ADGRE5: variants seen among roughly 807,000 people sequenced by gnomAD.
ADGRE5 encodes the protein adhesion G protein-coupled receptor E5, also known as CD97 molecule.
A neutral mutation model predicts 100.3 loss-of-function variants in ADGRE5; 72 were observed. That is an observed-to-expected ratio of 0.72 (90% confidence interval 0.59 to 0.87). The LOEUF (loss-of-function observed/expected upper bound fraction) is 0.87, where lower values mean the gene tolerates loss of function less well. ADGRE5 is among the 40% of genes least tolerant of loss of function. The pLI is 0.00. For missense variants in ADGRE5, 959 were observed against 1,094.7 expected (o/e 0.88, Z 1.75); for synonymous variants, 439 against 447.8 (o/e 0.98, Z 0.25).
chr19:14,385,261 C>G (rs973563216), intron 1 of ADGRE5, among the ~76,000 whole-genome samples: 6 of 152,038 alleles, frequency 3.9e-5, no homozygotes, highest in Admixed American at 3.9e-4. Flanking sequence ...ATCCATCTGC[C>G]TCGGCCTCCC....
chr19:14,391,066 G>A lies in ADGRE5; in HGVS notation c.333G>A (p.Glu111=). ...CAAAAACATTCAAGAATGAGAGCGAGAACACCTGTCAAGGTAAGAACCACC... is the reference window on the plus strand; with the variant it reads ...CAAAAACATTCAAGAATGAGAGCGAAAACACCTGTCAAGGTAAGAACCACC... The part of the protein sequence containing the change: ...SGAKTFKNES[E]NTCQDVDECQ... The change falls in exon 4 of 20, where the codon GAG becomes GAA. Residue 111 remains glutamate (E), a synonymous_variant. Coordinates refer to ENST00000242786, the MANE Select transcript of ADGRE5 (RefSeq NM_078481.4). The A allele has an allele frequency of 6.2e-7, 1 of 1,614,208 alleles. No homozygotes were observed. The highest frequency in any genetic ancestry group is 1.3e-5 in the African/African-American group (1 of 75,054).
chr19:14,397,683 G>A lies in ADGRE5; in HGVS notation c.651G>A (p.Gln217=), dbSNP rs775216058. The change falls in exon 7 of 20, where the codon CAG becomes CAA. Residue 217 remains glutamine (Q), a synonymous_variant. Transcript: ENST00000242786. ...ATGTGGACGAGTGCAGCTCCGGGCA[G>A]CATCAGTGTGACAGCTCCACCGTCT... ...CEDVDECSSG[Q]HQCDSSTVCF... 86 of 1,558,394 alleles carry A rather than the reference G, an allele frequency of 5.5e-5. No homozygotes were observed. The South Asian group carries it at 9.5e-4, about 17-fold the overall frequency.
intron 1 of ADGRE5, among the ~76,000 whole-genome samples, chr19:14,382,877 C>T (rs1599605967): frequency 6.6e-6 from 1 of 151,826 alleles, no homozygotes; most frequent in Non-Finnish European, 1.5e-5. Context: ...CCACCATGCC[C>T]GGCTAGTTTT....
At chr19:14,389,183 G>A (rs1975472351) in intron 3 of ADGRE5, among the ~76,000 whole-genome samples, 2 of 91,190 alleles carry the variant, frequency 2.2e-5, no homozygotes, top group Admixed American at 1.1e-4. Flanking sequence ...GAGGGGGAGA[G>A]GAAGGGGAAG....
At chr19:14,387,450 C>T (rs567136193) in intron 1 of ADGRE5, among the ~76,000 whole-genome samples, 5 of 152,228 alleles carry the variant, frequency 3.3e-5, no homozygotes, top group African/African-American at 7.2e-5. Context: ...ATTTTTAGGC[C>T]GGCCACAGTG....
chr19:14,384,495 G>T (rs58233784), intron 1 of ADGRE5, among the ~76,000 whole-genome samples: 10,457 of 151,974 alleles, frequency 0.069, 1,187 homozygotes, highest in African/African-American at 0.24. Context: ...CCATCCCTCT[G>T]CCCGACACCC....
At chr19:14,399,724 A>G (rs897225366) in intron 9 of ADGRE5, among the ~76,000 whole-genome samples, 4 of 150,908 alleles carry the variant, frequency 2.7e-5, no homozygotes, top group African/African-American at 9.9e-5. Flanking sequence ...CCAGGGCAAC[A>G]AGAGTAAGAT....
Position 14,406,827 on chromosome 19 carries a change from C to T in ADGRE5, c.2116-42C>T, listed in dbSNP as rs750535173. ...GCCACAGGCCCAGGCCCGGCTGGAC[C>T]ATCGCTCTCGCCCTCTAACCCACAA... On this transcript the variant is annotated intron_variant, in intron 16 of 19. Coordinates refer to ENST00000242786, the MANE Select transcript of ADGRE5 (RefSeq NM_078481.4). The surrounding 1 kb of genome is among the most constrained non-coding windows in gnomAD (Gnocchi z 6.0). 6.2e-7 allele frequency: 1 copy of T among 1,611,256 alleles called. No homozygotes were observed. The highest frequency in any genetic ancestry group is 1.1e-5 in the South Asian group (1 of 91,036).
At chr19:14,392,087 G>C (rs1052901721) in intron 4 of ADGRE5, among the ~76,000 whole-genome samples, 3 of 132,682 alleles carry the variant, frequency 2.3e-5, no homozygotes, top group African/African-American at 8.6e-5. Flanking sequence ...CTGGGTGACA[G>C]AGTGAGACTC....
chr19:14,407,666 T>C (rs1976326514), intron 18 of ADGRE5, among the ~76,000 whole-genome samples: 1 of 146,170 alleles, frequency 6.8e-6, no homozygotes, highest in Non-Finnish European at 1.5e-5. Context: ...CCGGGTGTGC[T>C]GAATACCCAT....
intron 1 of ADGRE5, among the ~76,000 whole-genome samples, chr19:14,384,492 T>C (rs1334763268): frequency 1.3e-5 from 2 of 152,130 alleles, no homozygotes; most frequent in Non-Finnish European, 2.9e-5. Context: ...TCCCCATCCC[T>C]CTGCCCGACA....
chr19:14,392,411 A>C (rs1004572280), intron 4 of ADGRE5, among the ~76,000 whole-genome samples: 19 of 151,752 alleles, frequency 1.3e-4, no homozygotes, highest in Non-Finnish European at 2.5e-4. Flanking sequence ...AGTGATTCTC[A>C]TGCCTCAGCC....
chr19:14,408,063 G>C (rs1224078341), intron 19 of ADGRE5, 29 bp from the exon 20 acceptor site: 11 of 1,614,114 alleles, frequency 6.8e-6, no homozygotes, highest in Non-Finnish European at 8.5e-6. Context: ...GGGCTAGCGG[G>C]GCTCAGGCCT....
At chr19:14,405,657 C>A in intron 13 of ADGRE5, 91 bp from the exon 14 acceptor site, 1 of 901,142 alleles carries the variant, frequency 1.1e-6, no homozygotes, top group Non-Finnish European at 1.7e-6. Context: ...AGAGGTGGGC[C>A]CGTCAAAGTG....
chr19:14,401,744 T>G lies in ADGRE5; in HGVS notation c.1167T>G (p.Ala389=). Residue 389 remains alanine, a synonymous_variant, in exon 11 of 20, where the codon GCT becomes GCG. Coordinates refer to ENST00000242786, the MANE Select transcript of ADGRE5 (RefSeq NM_078481.4). The surrounding 1 kb of genome is among the most constrained non-coding windows in gnomAD (Gnocchi z 4.1). ...ARMKLNWAVA[A]GAEDPGPAVA... is the part of the protein sequence containing the mutation. ...TGAAGCTGAATTGGGCTGTGGCAGC[T>G]GGAGCCGAGGATCCAGGTAGCAGCG... is the stretch of plus-strand genomic sequence containing the variant. 1 of 1,556,812 alleles carries G rather than the reference T, an allele frequency of 6.4e-7. No homozygotes were observed. The highest frequency in any genetic ancestry group is 8.7e-7 in the Non-Finnish European group (1 of 1,153,142).
chr19:14,401,576 C>T lies in ADGRE5; in HGVS notation c.1075+13C>T. 6.2e-7 allele frequency: 1 copy of T among 1,612,666 alleles called. No individual in the cohort carries two copies. Among genetic ancestry groups the T allele is most frequent in the South Asian group, 1.1e-5 (1 of 90,944 alleles). On this transcript the variant is annotated intron_variant, in intron 10 of 19. Transcript: ENST00000242786. This position sits in a 1 kb window ranked among gnomAD's most constrained non-coding sequence, Gnocchi z 4.1. ...CCTTCGAACACAGGTGAGGCCTTGG[C>T]CTGGCCTGCCCTGCCCCAACCCTGG...
rs143754653 is a variant in ADGRE5, at chr19:14,402,710, A to T, written c.1297A>T (p.Ser433Cys). ...QAELEEIYESSIRGVQLRRLS... is the reference protein window; with the variant it reads ...QAELEEIYESCIRGVQLRRLS... The stretch of plus-strand genomic sequence containing the variant: ...CGAACTGGAGGAGATATATGAAAGC[A>T]GCATCCGTGGTGTCCAACTCAGACG... Residue 433 changes from serine to cysteine, a missense_variant, in exon 12 of 20, where the codon AGC becomes TGC. Ser to Cys is a moderately radical substitution (Grantham distance 112). Transcript: ENST00000242786. 1 of 1,614,192 alleles carries T rather than the reference A, an allele frequency of 6.2e-7. No individual in the cohort carries two copies. Among genetic ancestry groups the T allele is most frequent in the Non-Finnish European group, 8.5e-7 (1 of 1,180,036 alleles).
At chr19:14,384,225 CAG>C (rs200469607) in intron 1 of ADGRE5, among the ~76,000 whole-genome samples, 4,710 of 152,116 alleles carry the variant, frequency 0.031, 246 homozygotes, top group African/African-American at 0.11. Flanking sequence ...TGGTTTAACC[CAG>C]CTGGAAGGAG....
chr19:14,388,025 A>C (rs1427763235), intron 1 of ADGRE5, among the ~76,000 whole-genome samples: 1 of 152,008 alleles, frequency 6.6e-6, no homozygotes, highest in Non-Finnish European at 1.5e-5. Context: ...GCAGTGAGCC[A>C]AGATCACAGC....
Sources: gnomAD v4.1 joint callset for allele counts (sites outside exome capture counted in the v4.1 genomes callset) on GRCh38, gnomAD v4.1.1 for gene constraint, Gnocchi (gnomAD v3.1) non-coding constraint, MANE v1.5 for transcripts, NCBI Gene and HGNC (gene_info 2026-07-23, HGNC 2026-07-21) for gene names.